Variants in CASTOR2 observed in about 807,000 individuals in gnomAD.
CASTOR2 encodes cytosolic arginine sensor for mTORC1 subunit 2.
Under a neutral mutation model 31.2 loss-of-function variants are expected in CASTOR2, and 8 were observed. That is an observed-to-expected ratio of 0.26 (90% confidence interval 0.15 to 0.46). The LOEUF (loss-of-function observed/expected upper bound fraction) is 0.46. CASTOR2 is among the 20% of genes least tolerant of loss of function. The pLI, the probability that CASTOR2 is intolerant of heterozygous loss-of-function variation, is 0.99. For missense variants in CASTOR2, 216 were observed against 382.1 expected (o/e 0.57, Z 3.62); for synonymous variants, 162 against 158.7 (o/e 1.02, Z -0.16).
chr7:75,021,842 C>A, intron 6 of CASTOR2, 32 bp from the exon 7 acceptor site: 18 of 1,551,330 alleles, frequency 1.2e-5, no homozygotes, highest in Non-Finnish European at 1.4e-5. Flanking sequence ...TTCACATCAG[C>A]CTCGGGGATT....
At chr7:74,985,139 T>TA (rs1804032788) in intron 1 of CASTOR2, among the ~76,000 whole-genome samples, 1 of 151,844 alleles carries the variant, frequency 6.6e-6, no homozygotes, top group Admixed American at 6.6e-5. Flanking sequence ...CCTGTCTCAA[T>TA]AAAAAAGAAC....
At chr7:75,020,380 G>A (rs1804965920) in intron 6 of CASTOR2, among the ~76,000 whole-genome samples, 1 of 150,802 alleles carries the variant, frequency 6.6e-6, no homozygotes, top group South Asian at 2.1e-4. Context: ...ACAGGCATGT[G>A]CCACCATGCC....
At chr7:75,007,938 G>A in intron 1 of CASTOR2, 56 bp from the exon 2 acceptor site, 22 of 1,611,844 alleles carry the variant, frequency 1.4e-5, no homozygotes, top group East Asian at 2.2e-5. Flanking sequence ...GTGGGCAGCT[G>A]CCCCAGGGGA....
intron 1 of CASTOR2, among the ~76,000 whole-genome samples, chr7:74,984,333 G>C (rs1180938619): frequency 6.6e-6 from 1 of 150,986 alleles, no homozygotes; most frequent in African/African-American, 2.4e-5. Context: ...CTCCAAGGAG[G>C]GGCAGGGAAG....
chr7:75,024,781 A>C lies in CASTOR2; in HGVS notation c.*82A>C, dbSNP rs1805082893. 6.4e-7 allele frequency: 1 copy of C among 1,551,076 alleles called. No homozygotes were observed. Among genetic ancestry groups the C allele is most frequent in the Admixed American group, 2.0e-5 (1 of 50,994 alleles). Reference sequence around the variant, plus strand: ...TTGATCTTGCAGTATTTCTCTACAGACTGGAAAATCAGCCTGGGGACCCTG... The same window carrying C: ...TTGATCTTGCAGTATTTCTCTACAGCCTGGAAAATCAGCCTGGGGACCCTG... On this transcript the variant is annotated 3_prime_UTR_variant, in exon 9 of 9. Coordinates refer to ENST00000616305, the MANE Select transcript of CASTOR2 (RefSeq NM_001145064.3).
rs1408663571 is a variant in CASTOR2 at position 74,975,725 on chromosome 7, C to T, written c.113+10627C>T. Among the ~76,000 whole-genome samples the T allele has an allele frequency of 9.7e-4, 138 of 142,528 alleles. 2 individuals carry two copies. Among genetic ancestry groups the T allele is most frequent in the Non-Finnish European group, 7.2e-4 (47 of 65,268 alleles). 93.5% of individuals were successfully genotyped at this position (142,528 alleles called of 152,430 possible). Reference sequence around the variant, plus strand: ...AAAAAAAAAAGCTGGGATACCTCCACCCCCCTCTCCTTTAAATGTCTGTCT... The same window carrying T: ...AAAAAAAAAAGCTGGGATACCTCCATCCCCCTCTCCTTTAAATGTCTGTCT... On this transcript the variant is annotated intron_variant, in intron 1 of 8. Coordinates refer to ENST00000616305, the MANE Select transcript of CASTOR2 (RefSeq NM_001145064.3).
rs1179391514 is a variant in CASTOR2, at chr7:75,027,722, C to T, written c.*3023C>T. ...GCTGCCCCCTGGGGACCCTGCTCCT[C>T]GGTCACAGGGGGCCCCTTTAGTTTT... On this transcript the variant is annotated 3_prime_UTR_variant, in exon 9 of 9. Coordinates refer to ENST00000616305, the MANE Select transcript of CASTOR2 (RefSeq NM_001145064.3). The T allele has an allele frequency of 1.7e-5, 7 of 408,016 alleles. 1 individual carries two copies. The highest frequency in any genetic ancestry group is 4.6e-5 in the South Asian group (2 of 43,756). 25.3% of individuals were successfully genotyped at this position (408,016 alleles called of 1,614,324 possible). A position where few individuals can be genotyped will look rare whatever the true frequency, so the allele number is the denominator to read the frequency against.
chr7:75,009,148 G>A (rs1249096978), intron 2 of CASTOR2, among the ~76,000 whole-genome samples: 2 of 151,036 alleles, frequency 1.3e-5, no homozygotes, highest in Non-Finnish European at 2.9e-5. Flanking sequence ...AGTAGAGATG[G>A]AGATTCACCC....
At chr7:74,996,895 A>C (rs1291966130) in intron 1 of CASTOR2, among the ~76,000 whole-genome samples, 4 of 149,784 alleles carry the variant, frequency 2.7e-5, no homozygotes, top group African/African-American at 9.9e-5. Context: ...CGCCCGGCTA[A>C]TTTTTTTGTG....
intron 2 of CASTOR2, 38 bp downstream of exon 2, chr7:75,008,102 G>A (rs1696873534): frequency 6.2e-7 from 1 of 1,613,140 alleles, no homozygotes; most frequent in Middle Eastern, 1.7e-4. Flanking sequence ...GCTGGACCAT[G>A]CCCCGAAGTC....
Position 75,026,508 on chromosome 7 carries a change from G to A in CASTOR2, c.*1809G>A, listed in dbSNP as rs1805137115. Reference sequence around the variant, plus strand: ...CCCAGCCGAGTTGTGCTGTTTCTGTGGTCAGAGGAGAAGGGATATTTTCTA... The same window carrying A: ...CCCAGCCGAGTTGTGCTGTTTCTGTAGTCAGAGGAGAAGGGATATTTTCTA... On this transcript the variant is annotated 3_prime_UTR_variant, in exon 9 of 9. Transcript: ENST00000616305. Among the ~76,000 whole-genome samples, 2 of 152,072 alleles carry A rather than the reference G, an allele frequency of 1.3e-5. No individual in the cohort carries two copies. The highest frequency in any genetic ancestry group is 4.8e-5 in the African/African-American group (2 of 41,384).
At position 75,029,362 on chromosome 7, in the gene CASTOR2, CTTTTTTTTTTT is replaced by C. The variant is rs1177516960; in HGVS notation, c.*4672_*4682del. On this transcript the variant is annotated 3_prime_UTR_variant, in exon 9 of 9. Transcript: ENST00000616305. ...CACCTCAGCCCTGCAATGGGGGGAT[CTTTTTTTTTTT>C]TTTTTTTTGAGACAGGCTGGAGTGC... Among the ~76,000 whole-genome samples the C allele has an allele frequency of 1.6e-5, 2 of 126,194 alleles. No homozygotes were observed. Among genetic ancestry groups the C allele is most frequent in the African/African-American group, 5.9e-5 (2 of 33,944 alleles). The allele number at this position is 126,194 out of a possible 152,430, so 82.8% of individuals were successfully genotyped here. A position where few individuals can be genotyped will look rare whatever the true frequency, so the allele number is the denominator to read the frequency against.
In CASTOR2 at chr7:75,026,189, G is replaced by GTTTTTTTTTTTTT. The variant is rs879121750; in HGVS notation, c.*1495_*1507dup. On this transcript the variant is annotated 3_prime_UTR_variant, in exon 9 of 9. Coordinates refer to ENST00000616305, the MANE Select transcript of CASTOR2 (RefSeq NM_001145064.3). ...CCCTGTGGTTTTGGCTCTGGCGGGGGTTTTTTTTTTTTTTTTTGAGATGGG... is the reference window on the plus strand; with the variant it reads ...CCCTGTGGTTTTGGCTCTGGCGGGGGTTTTTTTTTTTTTTTTTTTTTTTTTTTTTTGAGATGGG... Among the ~76,000 whole-genome samples the GTTTTTTTTTTTTT allele has an allele frequency of 0.019, 2,175 of 117,306 alleles. 98 individuals are homozygous for GTTTTTTTTTTTTT. Among genetic ancestry groups the GTTTTTTTTTTTTT allele is most frequent in the African/African-American group, 0.029 (876 of 30,616 alleles). The allele number at this position is 117,306 out of a possible 152,430, so 77.0% of individuals were successfully genotyped here.
intron 1 of CASTOR2, among the ~76,000 whole-genome samples, chr7:74,983,219 C>T (rs1803986907): frequency 7.3e-6 from 1 of 137,480 alleles, no homozygotes; most frequent in African/African-American, 2.7e-5. Context: ...GCCATGTTGG[C>T]CAGGCTGGTC....
Position 75,024,701 on chromosome 7 carries a change from AG to A in CASTOR2, c.*5del. On this transcript the variant is annotated 3_prime_UTR_variant, in exon 9 of 9. Transcript: ENST00000616305. Reference sequence around the variant, plus strand: ...GTCAGCCAAGCAGAGAAGCACTAGAAGGGTCTCTTCTGCTCCTCCCTGCCGC... The same window carrying A: ...GTCAGCCAAGCAGAGAAGCACTAGAAGGTCTCTTCTGCTCCTCCCTGCCGC... 1 of 1,551,620 alleles carries A rather than the reference AG, an allele frequency of 6.4e-7. No homozygotes were observed. Among genetic ancestry groups the A allele is most frequent in the African/African-American group, 1.4e-5 (1 of 73,166 alleles).
rs1177991219 is a variant in CASTOR2 at position 74,965,850 on chromosome 7, TCACA to T, written c.113+782_113+785del. ...AGGCCTTGGAAGGTAAAAGAGGGAATCACACACACACACACACACACACACACAC... is the reference window on the plus strand; with the variant it reads ...AGGCCTTGGAAGGTAAAAGAGGGAATCACACACACACACACACACACACAC... On this transcript the variant is annotated intron_variant, in intron 1 of 8. Coordinates refer to ENST00000616305, the MANE Select transcript of CASTOR2 (RefSeq NM_001145064.3). 8.5e-3 allele frequency among the ~76,000 whole-genome samples: 91 copies of T among 10,646 alleles called. 19 individuals are homozygous for T. Among genetic ancestry groups the T allele is most frequent in the African/African-American group, 0.039 (80 of 2,048 alleles). The allele number at this position is 10,646 out of a possible 152,430, so 7.0% of individuals were successfully genotyped here.
chr7:75,019,275 G>GT (rs1255995528), intron 5 of CASTOR2, among the ~76,000 whole-genome samples, 180 bp downstream of exon 5: 1 of 152,110 alleles, frequency 6.6e-6, no homozygotes, highest in Non-Finnish European at 1.5e-5. Context: ...ACTAGTCTGA[G>GT]GTGGGAGACA....
At chr7:75,021,268 C>T (rs1163383700) in intron 6 of CASTOR2, among the ~76,000 whole-genome samples, 4 of 151,686 alleles carry the variant, frequency 2.6e-5, no homozygotes, top group African/African-American at 9.7e-5. Flanking sequence ...CTGGGATTAC[C>T]GGCGTGAGCC....
intron 1 of CASTOR2, among the ~76,000 whole-genome samples, chr7:74,995,355 G>C (rs1554437811): frequency 2.6e-5 from 4 of 151,742 alleles, no homozygotes; most frequent in Non-Finnish European, 2.9e-5. Context: ...CCAGAGAGAA[G>C]GGATCAGATG....
Sources: gnomAD v4.1 joint callset for allele counts (sites outside exome capture counted in the v4.1 genomes callset) on GRCh38, gnomAD v4.1.1 for gene constraint, MANE v1.5 for transcripts, NCBI Gene and HGNC (gene_info 2026-07-23, HGNC 2026-07-21) for gene names.